Variants in CNTN5 observed in about 807,000 individuals in gnomAD.
The protein encoded by CNTN5 is contactin-5.
CNTN5 carries 77 observed loss-of-function variants against 129.1 expected under a neutral mutation model. The ratio of observed to expected loss-of-function variants is 0.60; its 90% CI spans 0.50 to 0.72. The LOEUF is 0.72. Among genes scored for constraint, CNTN5 ranks in the 30% least tolerant of loss-of-function variants. CNTN5 has a pLI of 0.00. For synonymous variants in CNTN5, 509 were observed against 465.6 expected (o/e 1.09, Z -1.20); for missense variants, 1,478 against 1,328.8 (o/e 1.11, Z -1.75).
At chr11:100,063,550 G>T (rs1943567918) in intron 10 of CNTN5, among the ~76,000 whole-genome samples, 1 of 151,898 alleles carries the variant, frequency 6.6e-6, no homozygotes, top group Admixed American at 6.6e-5. Context: ...CATACACCTT[G>T]CTTTGCCCTA....
At chr11:99,521,631 A>G (rs563307146) in intron 2 of CNTN5, among the ~76,000 whole-genome samples, 2 of 152,234 alleles carry the variant, frequency 1.3e-5, no homozygotes, top group African/African-American at 2.4e-5. Flanking sequence ...TTAGCTTGCT[A>G]TTTCCCACCA....
At chr11:99,706,791 AGAGGTG>A (rs1485037985) in intron 3 of CNTN5, among the ~76,000 whole-genome samples, 4 of 150,562 alleles carry the variant, frequency 2.7e-5, no homozygotes, top group Non-Finnish European at 5.9e-5. Context: ...ACCAAAAGAC[AGAGGTG>A]TTCTTCCTAT....
chr11:100,149,481 T>TA (rs933466873), intron 13 of CNTN5, among the ~76,000 whole-genome samples: 20 of 152,194 alleles, frequency 1.3e-4, no homozygotes, highest in Non-Finnish European at 2.5e-4. Flanking sequence ...GTTTAAAATG[T>TA]AAAAAAATTA....
chr11:99,847,201 A>T (rs1947727915), intron 6 of CNTN5, among the ~76,000 whole-genome samples: 1 of 152,188 alleles, frequency 6.6e-6, no homozygotes, highest in Admixed American at 6.5e-5. Flanking sequence ...AATCATGCCA[A>T]CTTTTTTCTG....
chr11:99,870,553 C>T (rs1948477609), intron 6 of CNTN5, among the ~76,000 whole-genome samples: 1 of 152,020 alleles, frequency 6.6e-6, no homozygotes, highest in South Asian at 2.1e-4. Context: ...ACTGTGTAAG[C>T]CAACCAAACT....
At chr11:100,313,448 C>CA (rs35425874) in intron 21 of CNTN5, among the ~76,000 whole-genome samples, 2,929 of 127,736 alleles carry the variant, frequency 0.023, 90 homozygotes, top group African/African-American at 0.074. Flanking sequence ...GTGCCATTTA[C>CA]AAAAAAAAAA....
chr11:99,374,271 A>C (rs1940018303), intron 2 of CNTN5, among the ~76,000 whole-genome samples: 1 of 152,216 alleles, frequency 6.6e-6, no homozygotes, highest in African/African-American at 2.4e-5. Flanking sequence ...GATAATATTA[A>C]ATTTAAAAAT....
intron 3 of CNTN5, among the ~76,000 whole-genome samples, chr11:99,681,529 C>T (rs567416383): frequency 9.9e-5 from 15 of 152,126 alleles, no homozygotes; most frequent in African/African-American, 3.6e-4. Flanking sequence ...CATTTTTTAA[C>T]AATGAAGTAT....
chr11:99,618,996 C>T (rs943033540), intron 3 of CNTN5, among the ~76,000 whole-genome samples: 1 of 152,068 alleles, frequency 6.6e-6, no homozygotes, highest in Non-Finnish European at 1.5e-5. Flanking sequence ...GCCAAATGCA[C>T]ATCTAGATCA....
intron 7 of CNTN5, among the ~76,000 whole-genome samples, chr11:99,949,241 C>T (rs1477448344): frequency 2.6e-5 from 4 of 152,100 alleles, no homozygotes; most frequent in African/African-American, 9.7e-5. Flanking sequence ...TTGTTGTTGT[C>T]GTTATGCCCA....
At chr11:100,334,794 G>T (rs540511145) in intron 21 of CNTN5, among the ~76,000 whole-genome samples, 13 of 152,054 alleles carry the variant, frequency 8.5e-5, no homozygotes, top group African/African-American at 2.9e-4. Flanking sequence ...GTAATGGGTG[G>T]CAAGGGATAA....
At chr11:99,656,288 A>T (rs1298816419) in intron 3 of CNTN5, among the ~76,000 whole-genome samples, 2 of 152,028 alleles carry the variant, frequency 1.3e-5, no homozygotes, top group East Asian at 3.9e-4. Flanking sequence ...TTTTATTGCT[A>T]CTCTTTCTCC....
chr11:99,562,970 T>C (rs957811365), intron 3 of CNTN5, among the ~76,000 whole-genome samples: 2 of 152,090 alleles, frequency 1.3e-5, no homozygotes, highest in African/African-American at 2.4e-5. Context: ...CATTTTAAGA[T>C]ATGGGAAAGG....
intron 1 of CNTN5, among the ~76,000 whole-genome samples, chr11:99,296,241 G>T (rs1170931478): frequency 6.6e-6 from 1 of 152,120 alleles, no homozygotes; most frequent in Admixed American, 6.5e-5. Flanking sequence ...TAAGGGTTCC[G>T]ATGGGTGTAC....
intron 9 of CNTN5, among the ~76,000 whole-genome samples, chr11:100,057,782 G>T (rs544320394): frequency 3.3e-5 from 5 of 151,872 alleles, no homozygotes; most frequent in Admixed American, 6.6e-5. Context: ...TTCTGTGGGG[G>T]AAAATACAGA....
intron 1 of CNTN5, among the ~76,000 whole-genome samples, chr11:99,318,378 A>G (rs1036310431): frequency 6.6e-6 from 1 of 152,178 alleles, no homozygotes. Flanking sequence ...TCTTTCTAGA[A>G]CAACATCCCT....
At chr11:99,554,926 A>C (rs920091846) in intron 2 of CNTN5, among the ~76,000 whole-genome samples, 13 of 152,204 alleles carry the variant, frequency 8.5e-5, no homozygotes, top group African/African-American at 2.6e-4. Flanking sequence ...CATAAAATAC[A>C]GAAAATGATG....
chr11:99,953,086 G>A (rs1017340914), intron 7 of CNTN5, among the ~76,000 whole-genome samples: 2 of 152,170 alleles, frequency 1.3e-5, no homozygotes, highest in South Asian at 2.1e-4. Flanking sequence ...TTGAATCACT[G>A]TGATTACTCA....
At chr11:100,235,220 G>A (rs1332236320) in intron 16 of CNTN5, among the ~76,000 whole-genome samples, 2 of 152,180 alleles carry the variant, frequency 1.3e-5, no homozygotes, top group Non-Finnish European at 1.5e-5. Context: ...TCTAAAATCA[G>A]ACTTTTTTTT....
Sources: gnomAD v4.1 joint callset for allele counts (sites outside exome capture counted in the v4.1 genomes callset) on GRCh38, gnomAD v4.1.1 for gene constraint, MANE v1.5 for transcripts, NCBI Gene and HGNC (gene_info 2026-07-23, HGNC 2026-07-21) for gene names.